ENTPD1: variants seen among roughly 807,000 people sequenced by gnomAD.
The protein encoded by ENTPD1 is ectonucleoside triphosphate diphosphohydrolase 1.
In ENTPD1, 33 loss-of-function variants were observed where a neutral mutation model predicts 57.0. That is an observed-to-expected ratio of 0.58 (90% confidence interval 0.44 to 0.77). The LOEUF is 0.77. Among genes scored for constraint, ENTPD1 ranks in the 30% least tolerant of loss-of-function variants. ENTPD1 has a pLI of 0.00. For missense variants in ENTPD1, 501 were observed against 603.4 expected, an observed-to-expected ratio of 0.83 and a Z score of 1.78; for synonymous variants, 202 against 218.8, an observed-to-expected ratio of 0.92 and a Z score of 0.68.
chr10:95,743,105 C>T lies in ENTPD1; in HGVS notation c.37+31112C>T, dbSNP rs559629421. On this transcript the variant is annotated intron_variant, in intron 1 of 9. Transcript: ENST00000453258. ...TCCAAATTACATTTAATCTTCATGACTCCTTAGGCTCCTCTTGGCTGTGAG... is the reference window on the plus strand; with the variant it reads ...TCCAAATTACATTTAATCTTCATGATTCCTTAGGCTCCTCTTGGCTGTGAG... 5.9e-5 allele frequency among the ~76,000 whole-genome samples: 9 copies of T among 152,324 alleles called. No individual in the cohort carries two copies. In the East Asian group the frequency reaches 1.7e-3, roughly 29 times the overall value.
intron 1 of ENTPD1, among the ~76,000 whole-genome samples, chr10:95,814,636 G>A (rs1347777893): frequency 6.6e-6 from 1 of 152,074 alleles, no homozygotes; most frequent in African/African-American, 2.4e-5. Flanking sequence ...GGTCCACTCA[G>A]TATCAGCCAG....
chr10:95,807,518 G>A (rs754053438), intron 1 of ENTPD1, among the ~76,000 whole-genome samples: 31 of 152,304 alleles, frequency 2.0e-4, no homozygotes, highest in South Asian at 4.1e-4. Flanking sequence ...GGCTGCACCC[G>A]TTGTCCAACC....
rs1006939080 is a variant in ENTPD1 at position 95,868,388 on chromosome 10, C to T, written c.*2005C>T. ...GCTTGTAATTTAATATCATTCTGTTCATGTGCTTTGGATGGAAGCACATCT... is the reference window on the plus strand; with the variant it reads ...GCTTGTAATTTAATATCATTCTGTTTATGTGCTTTGGATGGAAGCACATCT... On this transcript the variant is annotated 3_prime_UTR_variant, in exon 10 of 10. Transcript: ENST00000371205. The T allele has an allele frequency of 1.5e-4, 147 of 985,442 alleles. 1 individual carries two copies. The highest frequency in any genetic ancestry group is 6.8e-4 in the Admixed American group (11 of 16,294). 61.0% of individuals were successfully genotyped at this position (985,442 alleles called of 1,614,324 possible).
chr10:95,800,328 A>G (rs538923106), intron 1 of ENTPD1, among the ~76,000 whole-genome samples: 27 of 152,304 alleles, frequency 1.8e-4, no homozygotes, highest in African/African-American at 6.5e-4. Context: ...GAGGGGGTGT[A>G]TGAACAGGGA....
chr10:95,761,424 C>A (rs2098062041), intron 1 of ENTPD1, among the ~76,000 whole-genome samples: 2 of 152,160 alleles, frequency 1.3e-5, no homozygotes, highest in Admixed American at 1.3e-4. Context: ...TGCCCCTCCA[C>A]AGACCACACT....
chr10:95,766,725 T>C (rs1249654876), intron 1 of ENTPD1, among the ~76,000 whole-genome samples: 1 of 152,230 alleles, frequency 6.6e-6, no homozygotes, highest in Non-Finnish European at 1.5e-5. Context: ...AGTTCACATT[T>C]ATTTTATCTG....
At chr10:95,847,273 A>C in intron 6 of ENTPD1, 173 bp from the exon 7 acceptor site, 1 of 737,704 alleles carries the variant, frequency 1.4e-6, no homozygotes, top group Non-Finnish European at 2.3e-6. Flanking sequence ...TGCCTGTTAC[A>C]CAAATCCATT....
At chr10:95,802,009 T>G (rs1408755692) in intron 1 of ENTPD1, among the ~76,000 whole-genome samples, 1 of 152,096 alleles carries the variant, frequency 6.6e-6, no homozygotes, top group Admixed American at 6.6e-5. Flanking sequence ...CTTTTTAGAT[T>G]TATTCTGATC....
the ENTPD1 span, among the ~76,000 whole-genome samples, chr10:95,702,093 CAGT>C: frequency 6.6e-6 from 1 of 151,556 alleles, no homozygotes; most frequent in Non-Finnish European, 1.5e-5. Flanking sequence ...AATAAAAAAT[CAGT>C]AGAGTAATTG....
chr10:95,855,820 G>T (rs550851125), intron 7 of ENTPD1, among the ~76,000 whole-genome samples: 2 of 152,260 alleles, frequency 1.3e-5, no homozygotes, highest in Admixed American at 1.3e-4. Flanking sequence ...TTAGTCTGAT[G>T]GGCTTCCCTT....
At chr10:95,731,539 A>T (rs2097989089) in intron 1 of ENTPD1, among the ~76,000 whole-genome samples, 1 of 152,042 alleles carries the variant, frequency 6.6e-6, no homozygotes. Context: ...GCCCATGCAC[A>T]GGACCGGCCA....
intron 1 of ENTPD1, among the ~76,000 whole-genome samples, chr10:95,731,534 T>G (rs943019352): frequency 5.9e-5 from 9 of 152,072 alleles, no homozygotes; most frequent in East Asian, 1.9e-4. Flanking sequence ...GCTTAGCCCA[T>G]GCACAGGACC....
At chr10:95,750,459 G>T (rs554703314) in intron 1 of ENTPD1, among the ~76,000 whole-genome samples, 1 of 152,246 alleles carries the variant, frequency 6.6e-6, no homozygotes, top group East Asian at 1.9e-4. Flanking sequence ...CTTGCTATGT[G>T]ATGTACCAGC....
chr10:95,836,751 C>T (rs929371913), intron 2 of ENTPD1, among the ~76,000 whole-genome samples: 4 of 152,200 alleles, frequency 2.6e-5, no homozygotes, highest in Admixed American at 1.3e-4. Context: ...ACTGAAGCCC[C>T]TGTAGGCCTC....
intron 1 of ENTPD1, among the ~76,000 whole-genome samples, chr10:95,735,796 C>T (rs984238681): frequency 3.3e-5 from 5 of 151,550 alleles, no homozygotes; most frequent in Non-Finnish European, 5.9e-5. Context: ...AGTGTTTCAC[C>T]GTGTTGTCCA....
intron 1 of ENTPD1, among the ~76,000 whole-genome samples, chr10:95,737,211 T>C (rs1168772493): frequency 6.6e-6 from 1 of 150,410 alleles, no homozygotes; most frequent in Admixed American, 6.6e-5. Context: ...CCTGCCCTTG[T>C]GGAGCTCGTC....
chr10:95,738,282 A>G (rs2097996722), intron 1 of ENTPD1, among the ~76,000 whole-genome samples: 1 of 152,150 alleles, frequency 6.6e-6, no homozygotes. Flanking sequence ...TGGTGATTAG[A>G]TTGGTAATGT....
At chr10:95,804,888 AG>A (rs1167011766) in intron 1 of ENTPD1, among the ~76,000 whole-genome samples, 47 of 152,314 alleles carry the variant, frequency 3.1e-4, no homozygotes, top group African/African-American at 1.1e-3. Context: ...TTCAGCATGA[AG>A]GTCTGTTGAA....
upstream of ENTPD1, chr10:95,754,125 A>T (rs1189926686): frequency 6.6e-6 from 1 of 152,024 alleles, no homozygotes; most frequent in East Asian, 1.9e-4. Context: ...CCTGACCAAC[A>T]TGGTGAAACC....
Sources: gnomAD v4.1 joint callset for allele counts (sites outside exome capture counted in the v4.1 genomes callset) on GRCh38, gnomAD v4.1.1 for gene constraint, MANE v1.5 for transcripts, NCBI Gene and HGNC (gene_info 2026-07-23, HGNC 2026-07-21) for gene names.